The following EPHB1 variants were observed in gnomAD, a reference collection of about 807,000 sequenced individuals.
The protein encoded by EPHB1 is ephrin type-B receptor 1.
Under a neutral mutation model 94.4 loss-of-function variants are expected in EPHB1, and 30 were observed. The ratio of observed to expected loss-of-function variants is 0.32; its 90% CI spans 0.24 to 0.43. EPHB1 has a LOEUF of 0.43. Among genes scored for constraint, EPHB1 ranks in the 20% least tolerant of loss-of-function variants. The probability of loss-of-function intolerance (pLI) is 1.00; values close to 1 mark genes in which losing one functional copy is unlikely to be tolerated. For synonymous variants in EPHB1, 522 were observed against 489.1 expected, an observed-to-expected ratio of 1.07 and a Z score of -0.89; for missense variants, 1,055 against 1,308.3, an observed-to-expected ratio of 0.81 and a Z score of 2.99.
At chr3:134,825,182 G>A (rs2036453817) in intron 1 of EPHB1, among the ~76,000 whole-genome samples, 1 of 152,220 alleles carries the variant, frequency 6.6e-6, no homozygotes, top group African/African-American at 2.4e-5. Context: ...TCTATAATGG[G>A]AAGGGGATGG....
chr3:135,076,487 A>G (rs1006747766), intron 3 of EPHB1, among the ~76,000 whole-genome samples: 6 of 152,162 alleles, frequency 3.9e-5, no homozygotes, highest in Non-Finnish European at 5.9e-5. Flanking sequence ...GTCTTATACA[A>G]TACTGCTGGG....
intron 3 of EPHB1, among the ~76,000 whole-genome samples, chr3:135,030,979 C>T (rs997168100): frequency 1.3e-5 from 2 of 152,190 alleles, no homozygotes; most frequent in Non-Finnish European, 2.9e-5. Flanking sequence ...GGGTGTGACC[C>T]TATTCTCCAG....
chr3:135,048,742 A>C (rs759909621), intron 3 of EPHB1, among the ~76,000 whole-genome samples: 1 of 152,200 alleles, frequency 6.6e-6, no homozygotes, highest in Admixed American at 6.5e-5. Flanking sequence ...GTCTACCTCC[A>C]TACTAGGGCT....
intron 1 of EPHB1, among the ~76,000 whole-genome samples, chr3:134,833,539 A>C (rs1476286960): frequency 1.3e-5 from 2 of 152,216 alleles, no homozygotes; most frequent in African/African-American, 2.4e-5. Context: ...AAAATGTGTA[A>C]AGCATTGTTT....
chr3:134,864,934 C>T (rs571740033), intron 1 of EPHB1, among the ~76,000 whole-genome samples: 1 of 152,192 alleles, frequency 6.6e-6, no homozygotes, highest in African/African-American at 2.4e-5. Flanking sequence ...TCTAAGAGGT[C>T]AGGGAACTGA....
intron 1 of EPHB1, among the ~76,000 whole-genome samples, chr3:134,867,223 G>A (rs1196956010): frequency 1.3e-5 from 2 of 152,162 alleles, no homozygotes; most frequent in Non-Finnish European, 2.9e-5. Context: ...GATTCTAGTG[G>A]ACAGAGATCT....
rs568971259 is a variant in EPHB1 at position 134,833,188 on chromosome 3, C to T, written c.58+37499C>T. On this transcript the variant is annotated intron_variant, in intron 1 of 15. Coordinates refer to ENST00000398015, the MANE Select transcript of EPHB1 (RefSeq NM_004441.5). Reference sequence around the variant, plus strand: ...TCCTGGGGTCCCATGGGACTCTCAGCGCCCCCATAAGTGAGGACTTAGGGA... The same window carrying T: ...TCCTGGGGTCCCATGGGACTCTCAGTGCCCCCATAAGTGAGGACTTAGGGA... Among the ~76,000 whole-genome samples the T allele has an allele frequency of 4.6e-5, 7 of 152,288 alleles. No homozygotes were observed. In the South Asian group the frequency reaches 6.2e-4, roughly 14 times the overall value.
At chr3:135,031,240 C>T (rs936955426) in intron 3 of EPHB1, among the ~76,000 whole-genome samples, 1 of 152,178 alleles carries the variant, frequency 6.6e-6, no homozygotes, top group African/African-American at 2.4e-5. Flanking sequence ...GCCCTCTTGG[C>T]TCCTCCCTCA....
At chr3:135,027,453 T>C (rs1936229574) in intron 3 of EPHB1, among the ~76,000 whole-genome samples, 1 of 149,122 alleles carries the variant, frequency 6.7e-6, no homozygotes, top group South Asian at 2.2e-4. Flanking sequence ...AAAGGCCTTT[T>C]CTGCATCTAT....
chr3:134,996,239 G>A (rs1934991228), intron 3 of EPHB1, among the ~76,000 whole-genome samples: 1 of 151,996 alleles, frequency 6.6e-6, no homozygotes, highest in African/African-American at 2.4e-5. Flanking sequence ...TGCCACCCAG[G>A]TGGGAGTGCA....
chr3:134,915,963 C>T (rs973757227), intron 1 of EPHB1, among the ~76,000 whole-genome samples: 2 of 152,122 alleles, frequency 1.3e-5, no homozygotes. Flanking sequence ...CTTATCTGGC[C>T]CCACCCACAT....
intron 3 of EPHB1, among the ~76,000 whole-genome samples, chr3:135,050,912 T>TTG (rs61632320): frequency 0.027 from 3,948 of 148,012 alleles, 68 homozygotes; most frequent in Non-Finnish European, 0.033. Flanking sequence ...TAAACACCCT[T>TTG]TGTGTGTGTG....
rs115866774 is a variant in EPHB1, at chr3:134,861,098, G to T, written c.59-64718G>T. Among the ~76,000 whole-genome samples the T allele has an allele frequency of 5.3e-3, 805 of 152,306 alleles. 9 individuals are homozygous for T. The highest frequency in any genetic ancestry group is 0.018 in the African/African-American group (754 of 41,572). On this transcript the variant is annotated intron_variant, in intron 1 of 15. Transcript: ENST00000398015. ...GGTGAACTGTAACGCCAGTTAGAGGGCAGGGCTAGGTCTACAGATGTTGGA... is the reference window on the plus strand; with the variant it reads ...GGTGAACTGTAACGCCAGTTAGAGGTCAGGGCTAGGTCTACAGATGTTGGA...
At chr3:135,027,377 G>T (rs970137280) in intron 3 of EPHB1, among the ~76,000 whole-genome samples, 1 of 144,866 alleles carries the variant, frequency 6.9e-6, no homozygotes, top group African/African-American at 2.6e-5. Context: ...TTATTATTTT[G>T]AAATACGTCC....
intron 3 of EPHB1, among the ~76,000 whole-genome samples, chr3:135,030,183 C>G (rs1341176719): frequency 1.3e-5 from 2 of 152,128 alleles, no homozygotes; most frequent in Non-Finnish European, 2.9e-5. Context: ...CCTCCCATAG[C>G]TCAGAGTAAT....
At chr3:135,036,215 C>G (rs72975530) in intron 3 of EPHB1, among the ~76,000 whole-genome samples, 1 of 152,172 alleles carries the variant, frequency 6.6e-6, no homozygotes, top group East Asian at 1.9e-4. Flanking sequence ...GCCGTTGAGA[C>G]GCTATCTCTG....
At chr3:135,220,594 CTT>C (rs78078993) in intron 12 of EPHB1, among the ~76,000 whole-genome samples, 21 of 133,908 alleles carry the variant, frequency 1.6e-4, no homozygotes, top group South Asian at 2.5e-4. Flanking sequence ...TGTTGGAGGC[CTT>C]TTTTTTTTTT....
chr3:134,959,046 C>G (rs549095541), intron 3 of EPHB1, among the ~76,000 whole-genome samples: 36 of 152,260 alleles, frequency 2.4e-4, no homozygotes, highest in African/African-American at 7.9e-4. Context: ...GAGAGCTGCC[C>G]TAGGTGGATT....
chr3:135,239,296 T>C (rs1936470296), intron 12 of EPHB1, among the ~76,000 whole-genome samples: 1 of 152,068 alleles, frequency 6.6e-6, no homozygotes, highest in South Asian at 2.1e-4. Flanking sequence ...CTTTTTTTTT[T>C]CTGCCTAGCT....
Sources: gnomAD v4.1 joint callset for allele counts (sites outside exome capture counted in the v4.1 genomes callset) on GRCh38, gnomAD v4.1.1 for gene constraint, MANE v1.5 for transcripts, NCBI Gene and HGNC (gene_info 2026-07-23, HGNC 2026-07-21) for gene names.